TMEM266: variants seen among roughly 807,000 people sequenced by gnomAD.
The protein encoded by TMEM266 is Hv1 related protein 1.
TMEM266 carries 33 observed loss-of-function variants against 50.5 expected under a neutral mutation model. The ratio of observed to expected loss-of-function variants is 0.65; its 90% CI spans 0.50 to 0.87. The LOEUF is 0.87. Among genes scored for constraint, TMEM266 ranks in the 40% least tolerant of loss-of-function variants. TMEM266 has a pLI of 0.00. For synonymous variants in TMEM266, 310 were observed against 292.3 expected (o/e 1.06, Z -0.62); for missense variants, 655 against 695.1 (o/e 0.94, Z 0.65).
In TMEM266 at chr15:76,098,094, A is replaced by T. The variant is rs535634832; in HGVS notation, c.-96-36074A>T. On this transcript the variant is annotated intron_variant, in intron 1 of 10. Transcript: ENST00000388942. ...TGTTATTACCCACCTTCTGAAGTCT[A>T]CTTCTGTCAATTCATCAAACTCATT... Among the ~76,000 whole-genome samples the T allele has an allele frequency of 1.6e-3, 244 of 152,148 alleles. 1 individual carries two copies. Among genetic ancestry groups the T allele is most frequent in the Non-Finnish European group, 2.9e-3 (200 of 67,980 alleles).
At chr15:76,185,518 TTGTC>T (rs1179919121) in intron 8 of TMEM266, among the ~76,000 whole-genome samples, 10 of 152,264 alleles carry the variant, frequency 6.6e-5, no homozygotes, top group Non-Finnish European at 7.3e-5. Context: ...TACGCTCATT[TTGTC>T]TGTCTTTCTC....
At chr15:76,067,670 GA>G (rs977659812) in intron 1 of TMEM266, among the ~76,000 whole-genome samples, 3 of 96,248 alleles carry the variant, frequency 3.1e-5, no homozygotes, top group Non-Finnish European at 6.8e-5. Context: ...GAAAAGAAAA[GA>G]AAAAGTCATT....
At chr15:76,180,112 A>G (rs992377503) in intron 8 of TMEM266, among the ~76,000 whole-genome samples, 2 of 152,226 alleles carry the variant, frequency 1.3e-5, no homozygotes, top group Non-Finnish European at 2.9e-5. Context: ...TTGACCAAAA[A>G]ATAGTGAAGC....
At chr15:76,118,210 A>G (rs56901275) in intron 1 of TMEM266, among the ~76,000 whole-genome samples, 4 of 152,238 alleles carry the variant, frequency 2.6e-5, no homozygotes, top group East Asian at 3.9e-4. Flanking sequence ...CCTTCAGCAC[A>G]TATCATCTTC....
At chr15:76,060,360 A>G (rs2036275430) in intron 1 of TMEM266, among the ~76,000 whole-genome samples, 1 of 142,744 alleles carries the variant, frequency 7.0e-6, no homozygotes, top group Admixed American at 6.9e-5. Context: ...TGCAAGCTGG[A>G]GGGGGGGGTT....
chr15:76,153,425 C>T lies in TMEM266; in HGVS notation c.228-3179C>T, dbSNP rs1234539324. Among the ~76,000 whole-genome samples the T allele has an allele frequency of 6.6e-6, 1 of 152,190 alleles. No individual in the cohort carries two copies. The highest frequency in any genetic ancestry group is 1.5e-5 in the Non-Finnish European group (1 of 68,040). ...CTGCTGGCCAGCCCAGGCAGATGGC[C>T]CTGGCAGCTGCCCTTTTTATTCATA... On this transcript the variant is annotated intron_variant, in intron 3 of 10. Coordinates refer to ENST00000388942, the MANE Select transcript of TMEM266 (RefSeq NM_152335.3). This position sits in a 1 kb window ranked among gnomAD's most constrained non-coding sequence, Gnocchi z 4.2.
Position 76,137,727 on chromosome 15 carries a change from T to C in TMEM266, c.59T>C (p.Ile20Thr). The change falls in exon 3 of 11, where the codon ATT (isoleucine) becomes ACT (threonine). Residue 20 changes from isoleucine to threonine, a missense_variant. By Grantham distance (89) the Ile-to-Thr change is moderately conservative (BLOSUM62 -1). Around this residue, in one of 3 missense-constraint regions of TMEM266, gnomAD observed 99 missense variants for 110.8 expected, o/e 0.89. Coordinates refer to ENST00000388942, the MANE Select transcript of TMEM266 (RefSeq NM_152335.3). ...CCCAGGCCTGCCATAGAAGGAGGAA[T>C]TTCTGAAGTTGAGATCATCTCCCAA... The C allele has an allele frequency of 6.2e-7, 1 of 1,614,146 alleles. No homozygotes were observed. The highest frequency in any genetic ancestry group is 8.5e-7 in the Non-Finnish European group (1 of 1,180,012).
At chr15:76,180,739 G>A (rs1198707235) in intron 8 of TMEM266, among the ~76,000 whole-genome samples, 9 of 148,282 alleles carry the variant, frequency 6.1e-5, no homozygotes, top group Middle Eastern at 3.6e-3. Context: ...TCAGCTTCCC[G>A]GGTAGCTGGG....
At position 76,134,178 on chromosome 15, in the gene TMEM266, T is replaced by G. The variant is rs140934651; in HGVS notation, c.-86T>G. The stretch of plus-strand genomic sequence containing the variant: ...TATTTTTGTTTTCAGGGCACTATAT[T>G]TGTATGTGTCTTGTAGAACCCACGC... On this transcript the variant is annotated 5_prime_UTR_variant, in exon 2 of 11. It adds an upstream start codon to the 5' untranslated region. Transcript: ENST00000388942. 4.6e-5 allele frequency: 68 copies of G among 1,464,134 alleles called. No homozygotes were observed. The highest frequency in any genetic ancestry group is 6.3e-5 in the Non-Finnish European group (66 of 1,050,086). 90.7% of individuals were successfully genotyped at this position (1,464,134 alleles called of 1,614,324 possible).
chr15:76,080,438 G>T (rs1347670658), intron 1 of TMEM266, among the ~76,000 whole-genome samples: 1 of 150,126 alleles, frequency 6.7e-6, no homozygotes, highest in Non-Finnish European at 1.5e-5. Flanking sequence ...TTTTAGTAGA[G>T]ATGGGGTTTC....
chr15:76,089,548 A>G (rs570932317), intron 1 of TMEM266, among the ~76,000 whole-genome samples: 68 of 152,202 alleles, frequency 4.5e-4, no homozygotes, highest in African/African-American at 1.6e-3. Context: ...GTGAGAGGGA[A>G]GGCTGGAAAT....
intron 3 of TMEM266, among the ~76,000 whole-genome samples, chr15:76,146,494 T>C (rs561645898): frequency 6.6e-6 from 1 of 152,192 alleles, no homozygotes; most frequent in African/African-American, 2.4e-5. Flanking sequence ...CAGATATAAA[T>C]GGATGTTATT....
chr15:76,174,633 A>C (rs1369650046), intron 7 of TMEM266, among the ~76,000 whole-genome samples: 1 of 152,198 alleles, frequency 6.6e-6, no homozygotes, highest in Non-Finnish European at 1.5e-5. Flanking sequence ...GAGTGTTTTC[A>C]TGACTCCAAA....
chr15:76,109,278 A>C (rs2142009876), intron 1 of TMEM266: 1 of 152,370 alleles, frequency 6.6e-6, no homozygotes, highest in South Asian at 2.1e-4. Flanking sequence ...ATTGAGAGGG[A>C]AGGCTGCTGG....
intron 1 of TMEM266, among the ~76,000 whole-genome samples, chr15:76,119,872 T>G (rs1238638492): frequency 6.6e-6 from 1 of 152,228 alleles, no homozygotes; most frequent in African/African-American, 2.4e-5. Flanking sequence ...GTTACTATTT[T>G]TGCTTTTGCC....
chr15:76,098,280 A>G (rs1033786824), intron 1 of TMEM266, among the ~76,000 whole-genome samples: 3 of 151,584 alleles, frequency 2.0e-5, no homozygotes, highest in Non-Finnish European at 2.9e-5. Context: ...TTCAGATGGG[A>G]TCTTTGGGTG....
chr15:76,101,394 C>T (rs2036997275), intron 1 of TMEM266, among the ~76,000 whole-genome samples: 2 of 152,080 alleles, frequency 1.3e-5, no homozygotes, highest in Admixed American at 6.5e-5. Flanking sequence ...TTGAGAACAC[C>T]GGGACTGGTC....
intron 1 of TMEM266, among the ~76,000 whole-genome samples, chr15:76,074,674 C>T (rs764799132): frequency 6.6e-6 from 1 of 151,832 alleles, no homozygotes; most frequent in African/African-American, 2.4e-5. Context: ...TATTGGGACA[C>T]CTTGGAGTAT....
chr15:76,192,276 CCTT>C, intron 9 of TMEM266, 119 bp downstream of exon 9: 1 of 938,714 alleles, frequency 1.1e-6, no homozygotes, highest in Non-Finnish European at 1.5e-6. Context: ...GTGTGCCCCT[CCTT>C]CACTCGTGAT....
Sources: gnomAD v4.1 joint callset for allele counts (sites outside exome capture counted in the v4.1 genomes callset) on GRCh38, gnomAD v4.1.1 for gene constraint, gnomAD v4.1.1 regional missense constraint, Gnocchi (gnomAD v3.1) non-coding constraint, MANE v1.5 for transcripts, NCBI Gene and HGNC (gene_info 2026-07-23, HGNC 2026-07-21) for gene names.